HS3ST1: variants seen among roughly 807,000 people sequenced by gnomAD.
HS3ST1 encodes the protein heparan sulfate-glucosamine 3-sulfotransferase 1.
HS3ST1 carries 8 observed loss-of-function variants against 20.7 expected under a neutral mutation model. That is an observed-to-expected ratio of 0.39 (90% CI 0.23 to 0.70). The LOEUF is 0.70. HS3ST1 is among the 30% of genes least tolerant of loss of function. The probability of loss-of-function intolerance (pLI) is 0.46; values close to 1 mark genes in which losing one functional copy is unlikely to be tolerated. For synonymous variants in HS3ST1, 205 were observed against 190.4 expected, an observed-to-expected ratio of 1.08 and a Z score of -0.63; for missense variants, 436 against 423.4, an observed-to-expected ratio of 1.03 and a Z score of -0.26.
chr4:11,429,175 C>A (rs1029417223), upstream of HS3ST1: 1 of 152,428 alleles, frequency 6.6e-6, no homozygotes, highest in African/African-American at 2.4e-5. Flanking sequence ...TCCCGCCCAC[C>A]CGGTGCGGTG....
Position 11,398,980 on chromosome 4 carries a change from A to T in HS3ST1, c.*102T>A. 1 of 1,053,940 alleles carries T rather than the reference A, an allele frequency of 9.5e-7. No homozygotes were observed. The highest frequency in any genetic ancestry group is 1.4e-6 in the Non-Finnish European group (1 of 727,388). 65.3% of individuals were successfully genotyped at this position (1,053,940 alleles called of 1,614,324 possible). ...TGTACAGAAGTACTTTATGGATTTT[A>T]CAAATAAATTATACCTTAAATGCTT... is the stretch of plus-strand genomic sequence containing the variant. On this transcript the variant is annotated 3_prime_UTR_variant, in exon 2 of 2. Transcript: ENST00000002596.
At chr4:11,431,029 T>G (rs996923602), upstream of HS3ST1, among the ~76,000 whole-genome samples, 8 of 152,174 alleles carry the variant, frequency 5.3e-5, no homozygotes, top group Non-Finnish European at 1.0e-4. Flanking sequence ...AGGTTTCTTA[T>G]CCAGAAGCTC....
intron 1 of HS3ST1, among the ~76,000 whole-genome samples, chr4:11,402,593 G>A (rs543705265): frequency 6.6e-6 from 1 of 152,298 alleles, no homozygotes; most frequent in African/African-American, 2.4e-5. Flanking sequence ...GTGTGTGTGT[G>A]TGCAGGTATA....
chr4:11,393,939 G>A lies in HS3ST1; in HGVS notation c.*5143C>T, dbSNP rs1718070760. 6.6e-6 allele frequency: 1 copy of A among 152,178 alleles called. No individual in the cohort carries two copies. The highest frequency in any genetic ancestry group is 1.5e-5 in the Non-Finnish European group (1 of 68,040). 9.4% of individuals were successfully genotyped at this position (152,178 alleles called of 1,614,324 possible). ...ATCTTTGTGGCAGCTGGGGTTGAGA[G>A]CACTTCCCTGGTAAATGAGCTCTGG... On this transcript the variant is annotated 3_prime_UTR_variant, in exon 2 of 2. Coordinates refer to ENST00000002596, the MANE Select transcript of HS3ST1 (RefSeq NM_005114.4).
At chr4:11,407,062 A>G (rs1718486284) in intron 1 of HS3ST1, among the ~76,000 whole-genome samples, 1 of 152,248 alleles carries the variant, frequency 6.6e-6, no homozygotes, top group Non-Finnish European at 1.5e-5. Context: ...TCAGCCTATG[A>G]GAGGACAGTG....
intron 1 of HS3ST1, among the ~76,000 whole-genome samples, chr4:11,412,316 G>A (rs766113062): frequency 1.5e-4 from 23 of 152,136 alleles, no homozygotes; most frequent in Non-Finnish European, 2.4e-4. Context: ...CGATTGGGTC[G>A]TAAATTCTAA....
chr4:11,400,001 G>T lies in HS3ST1; in HGVS notation c.5C>A (p.Ala2Asp). 8.6e-6 allele frequency: 13 copies of T among 1,516,644 alleles called. No individual in the cohort carries two copies. Among genetic ancestry groups the T allele is most frequent in the Non-Finnish European group, 1.1e-5 (13 of 1,135,908 alleles). The allele number at this position is 1,516,644 out of a possible 1,614,324, so 93.9% of individuals were successfully genotyped here. Residue 2 changes from alanine to aspartate, a missense_variant, in exon 2 of 2, where the codon GCC (alanine) becomes GAC (aspartate). Transcript: ENST00000002596. M[A>D]ALLLGAVLLV... ...CAGCACCGCGCCCAGGAGCAGCGCG[G>T]CCATGCTGGACACCACGGTGGCTTC...
intron 1 of HS3ST1, among the ~76,000 whole-genome samples, chr4:11,412,699 A>C (rs1718669408): frequency 2.0e-5 from 3 of 152,208 alleles, no homozygotes; most frequent in Admixed American, 1.3e-4. Context: ...CATTCAATGA[A>C]TATTCATTGA....
rs112544939 is a variant in HS3ST1 at position 11,418,484 on chromosome 4, T to C, written c.-109+10215A>G. Among the ~76,000 whole-genome samples, 221 of 152,308 alleles carry C rather than the reference T, an allele frequency of 1.5e-3. 1 individual carries two copies. The highest frequency in any genetic ancestry group is 2.2e-3 in the Non-Finnish European group (150 of 68,032). On this transcript the variant is annotated intron_variant, in intron 1 of 1. Transcript: ENST00000002596. ...ATGAGGCAAAGTCATTTCCCTGTCA[T>C]CAAATGCTTCAAATACTACACTCCC...
upstream of HS3ST1, among the ~76,000 whole-genome samples, chr4:11,430,435 T>C (rs1004339355): frequency 6.6e-6 from 1 of 152,202 alleles, no homozygotes; most frequent in African/African-American, 2.4e-5. Flanking sequence ...TGTGAGGTTG[T>C]GAGGGTCAAA....
rs1176114832 is a variant in HS3ST1 at position 11,396,301 on chromosome 4, A to C, written c.*2781T>G. On this transcript the variant is annotated 3_prime_UTR_variant, in exon 2 of 2. Coordinates refer to ENST00000002596, the MANE Select transcript of HS3ST1 (RefSeq NM_005114.4). ...TGATTCCAGGAGGAAGGGAAAGGGA[A>C]GGGGCTGTTCTGACTCTGGAGTGTC... 1 of 152,304 alleles carries C rather than the reference A, an allele frequency of 6.6e-6. No homozygotes were observed. The highest frequency in any genetic ancestry group is 6.5e-5 in the Admixed American group (1 of 15,288). 9.4% of individuals were successfully genotyped at this position (152,304 alleles called of 1,614,324 possible). A position where few individuals can be genotyped will look rare whatever the true frequency, so the allele number is the denominator to read the frequency against.
rs917327101 is a variant in HS3ST1, at chr4:11,393,387, TAG to T, written c.*5693_*5694del. 1.5e-4 allele frequency: 23 copies of T among 152,346 alleles called. No individual in the cohort carries two copies. The highest frequency in any genetic ancestry group is 5.3e-4 in the African/African-American group (22 of 41,574). The allele number at this position is 152,346 out of a possible 1,614,324, so 9.4% of individuals were successfully genotyped here. A position where few individuals can be genotyped will look rare whatever the true frequency, so the allele number is the denominator to read the frequency against. On this transcript the variant is annotated 3_prime_UTR_variant, in exon 2 of 2. Coordinates refer to ENST00000002596, the MANE Select transcript of HS3ST1 (RefSeq NM_005114.4). ...CTTTGCTATTTGCTAGCCAATAAAA[TAG>T]ACTCATTCTCTGCTATATCTCATTT...
At chr4:11,403,430 A>T (rs1001926650) in intron 1 of HS3ST1, among the ~76,000 whole-genome samples, 7 of 152,110 alleles carry the variant, frequency 4.6e-5, no homozygotes, top group Non-Finnish European at 1.0e-4. Context: ...GATCTTGACA[A>T]TGAAGTTATA....
In HS3ST1 at chr4:11,394,666, A is replaced by T. The variant is rs1013599357; in HGVS notation, c.*4416T>A. 1 of 152,224 alleles carries T rather than the reference A, an allele frequency of 6.6e-6. No individual in the cohort carries two copies. The allele number at this position is 152,224 out of a possible 1,614,324, so 9.4% of individuals were successfully genotyped here. ...TTCCCTTACAGGCTCTGCCTAATAGACAGATGCATATGCTTTATATCTTCC... is the reference window on the plus strand; with the variant it reads ...TTCCCTTACAGGCTCTGCCTAATAGTCAGATGCATATGCTTTATATCTTCC... On this transcript the variant is annotated 3_prime_UTR_variant, in exon 2 of 2. Transcript: ENST00000002596.
intron 1 of HS3ST1, among the ~76,000 whole-genome samples, chr4:11,405,764 T>TA (rs145755450): frequency 0.029 from 4,385 of 152,152 alleles, 212 homozygotes; most frequent in African/African-American, 0.1. Context: ...ATATTTGGAT[T>TA]AAAAAAGAGG....
intron 1 of HS3ST1, among the ~76,000 whole-genome samples, chr4:11,427,794 G>T (rs1015519106): frequency 2.0e-5 from 3 of 152,208 alleles, no homozygotes; most frequent in African/African-American, 7.2e-5. Context: ...CCCATCCCGC[G>T]CCGGCACCCG....
At chr4:11,426,204 G>A (rs966875416) in intron 1 of HS3ST1, among the ~76,000 whole-genome samples, 2 of 152,094 alleles carry the variant, frequency 1.3e-5, no homozygotes, top group Admixed American at 1.3e-4. Context: ...AACCACGGTG[G>A]GGATATGCCA....
intron 1 of HS3ST1, among the ~76,000 whole-genome samples, chr4:11,408,077 C>T (rs1221916631): frequency 6.6e-6 from 1 of 152,028 alleles, no homozygotes; most frequent in African/African-American, 2.4e-5. Flanking sequence ...ATTTTGTCTG[C>T]TGAGTTTGTA....
chr4:11,416,774 C>T (rs1718793997), intron 1 of HS3ST1, among the ~76,000 whole-genome samples: 2 of 152,154 alleles, frequency 1.3e-5, no homozygotes, highest in South Asian at 4.1e-4. Context: ...CTGCTGAACT[C>T]CAACTAGGAA....
Sources: allele counts gnomAD v4.1 joint callset (sites outside exome capture counted in the v4.1 genomes callset), GRCh38; gene constraint gnomAD v4.1.1; transcripts MANE v1.5; gene names NCBI Gene and HGNC (gene_info 2026-07-23, HGNC 2026-07-21).